AP3B1: variants seen among roughly 807,000 people sequenced by gnomAD.
AP3B1 encodes the protein AP-3 complex subunit beta-1.
Under a neutral mutation model 132.5 loss-of-function variants are expected in AP3B1, and 61 were observed. The ratio of observed to expected loss-of-function variants is 0.46; its 90% CI spans 0.37 to 0.57. The LOEUF (loss-of-function observed/expected upper bound fraction) is 0.57. AP3B1 is among the 20% of genes least tolerant of loss of function. AP3B1 has a pLI of 0.00. For missense variants in AP3B1, 1,120 were observed against 1,289.4 expected (o/e 0.87, Z 2.01); for synonymous variants, 388 against 438.3 (o/e 0.89, Z 1.43).
intron 17 of AP3B1, among the ~76,000 whole-genome samples, chr5:78,126,598 C>CA (rs1461213977): frequency 6.9e-6 from 1 of 144,412 alleles, no homozygotes; most frequent in Non-Finnish European, 1.5e-5. Flanking sequence ...TAAAAATCAA[C>CA]AAACTCAGCT....
intron 1 of AP3B1, among the ~76,000 whole-genome samples, chr5:78,290,223 A>G (rs7712595): frequency 0.23 from 35,136 of 152,118 alleles, 4,649 homozygotes; most frequent in Middle Eastern, 0.31. Context: ...CAGGTCTTCT[A>G]ACTCTGGGCC....
intron 7 of AP3B1, among the ~76,000 whole-genome samples, chr5:78,215,338 T>C (rs1208409056): frequency 6.6e-6 from 1 of 152,104 alleles, no homozygotes; most frequent in African/African-American, 2.4e-5. Context: ...TGGTTTAAAA[T>C]TACCTTAAAT....
chr5:78,057,237 T>A (rs1748853694), intron 22 of AP3B1, among the ~76,000 whole-genome samples: 1 of 152,186 alleles, frequency 6.6e-6, no homozygotes, highest in Admixed American at 6.5e-5. Flanking sequence ...ATTCTAACTT[T>A]TAGCTCCTCT....
At chr5:78,181,950 G>C (rs1329061440) in intron 7 of AP3B1, among the ~76,000 whole-genome samples, 2 of 151,934 alleles carry the variant, frequency 1.3e-5, no homozygotes, top group Non-Finnish European at 2.9e-5. Flanking sequence ...CCTTCAAAAG[G>C]AACACATGAC....
At chr5:78,291,435 A>AC (rs1315468180) in intron 1 of AP3B1, among the ~76,000 whole-genome samples, 2 of 151,448 alleles carry the variant, frequency 1.3e-5, no homozygotes, top group Non-Finnish European at 2.9e-5. Context: ...AAAAAAAAAA[A>AC]AAAACAGAAA....
rs553471465 is a variant in AP3B1 at position 78,133,801 on chromosome 5, C to T, written c.1651-4494G>A. On this transcript the variant is annotated intron_variant, in intron 15 of 26. Coordinates refer to ENST00000255194, the MANE Select transcript of AP3B1 (RefSeq NM_003664.5). Reference sequence around the variant, plus strand: ...TAAATTTTGTTTTCAGACTAATTTTCCTGCTTAGATTTAAGGAACCATTAT... The same window carrying T: ...TAAATTTTGTTTTCAGACTAATTTTTCTGCTTAGATTTAAGGAACCATTAT... Among the ~76,000 whole-genome samples, 19 of 152,084 alleles carry T rather than the reference C, an allele frequency of 1.2e-4. No individual in the cohort carries two copies. The South Asian group carries it at 3.7e-3, about 30-fold the overall frequency.
At position 78,140,888 on chromosome 5, in the gene AP3B1, G is replaced by A. The variant is rs141486363; in HGVS notation, c.1650+255C>T. Among the ~76,000 whole-genome samples the A allele has an allele frequency of 3.2e-3, 482 of 152,138 alleles. 1 individual carries two copies. The highest frequency in any genetic ancestry group is 0.011 in the African/African-American group (439 of 41,484). ...ACATCGACTTCAGACTTTATAATTC[G>A]TCTAGAATTCCACTGTATGTCAATA... On this transcript the variant is annotated intron_variant, in intron 15 of 26. Transcript: ENST00000255194.
At chr5:78,092,000 GTAGAACCACTA>G (rs1293407226) in intron 21 of AP3B1, among the ~76,000 whole-genome samples, 3 of 152,208 alleles carry the variant, frequency 2.0e-5, no homozygotes, top group Middle Eastern at 3.2e-3. Context: ...AAAGTGAATG[GTAGAACCACTA>G]TAGAATTAGA....
intron 21 of AP3B1, among the ~76,000 whole-genome samples, chr5:78,093,256 A>C (rs1750608965): frequency 6.6e-6 from 1 of 152,070 alleles, no homozygotes; most frequent in South Asian, 2.1e-4. Flanking sequence ...GCAATGGCAC[A>C]ATTGCAGCTC....
chr5:78,267,445 TTA>T (rs751965067), intron 2 of AP3B1, 73 bp downstream of exon 2: 489 of 574,592 alleles, frequency 8.5e-4, no homozygotes, highest in Middle Eastern at 3.4e-3. Context: ...TAACGTATTT[TTA>T]TATATATATA....
intron 21 of AP3B1, among the ~76,000 whole-genome samples, chr5:78,096,853 C>CT (rs1258813243): frequency 4.6e-5 from 7 of 150,782 alleles, no homozygotes; most frequent in African/African-American, 1.7e-4. Context: ...GCTCAGCCCC[C>CT]GCCAGGCCAG....
intron 2 of AP3B1, among the ~76,000 whole-genome samples, chr5:78,256,613 C>A (rs1249583158): frequency 1.3e-5 from 2 of 152,054 alleles, no homozygotes; most frequent in Admixed American, 6.5e-5. Context: ...TAATATCAAT[C>A]CTACTCAAAC....
intron 11 of AP3B1, 31 bp downstream of exon 11, chr5:78,175,595 A>G (rs893901648): frequency 6.4e-7 from 1 of 1,568,256 alleles, no homozygotes; most frequent in Admixed American, 1.7e-5. Flanking sequence ...CAAATGTGTT[A>G]AAAGCCTCTG....
chr5:78,225,010 T>G (rs1398935772), intron 6 of AP3B1, among the ~76,000 whole-genome samples: 1 of 152,010 alleles, frequency 6.6e-6, no homozygotes, highest in Admixed American at 6.5e-5. Flanking sequence ...TAATCAAATG[T>G]TTATTGAACA....
intron 24 of AP3B1, among the ~76,000 whole-genome samples, chr5:78,026,516 G>A (rs1427775158): frequency 6.6e-6 from 1 of 152,116 alleles, no homozygotes; most frequent in Admixed American, 6.5e-5. Flanking sequence ...ATGAAATAAT[G>A]CACAGGAAGT....
In AP3B1 at chr5:78,181,508, G is replaced by T; in HGVS notation, c.941C>A (p.Ala314Glu). Residue 314 changes from alanine to glutamate, a missense_variant and splice_region_variant, in exon 8 of 27, where the codon GCG (alanine) becomes GAG (glutamate). This residue lies in a region of AP3B1 where 906 missense variants were observed against 997.1 expected (regional missense o/e 0.91). Coordinates refer to ENST00000255194, the MANE Select transcript of AP3B1 (RefSeq NM_003664.5). Reference protein sequence around the residue: ...TKPLLQSRNAAVVMAVAQLYW... With the variant: ...TKPLLQSRNAEVVMAVAQLYW... ...TTTCTTATAAGGATTTTAACATACC[G>T]CAGCATTCCTGCTCTGAAGCAAAGG... 6.2e-7 allele frequency: 1 copy of T among 1,611,958 alleles called. No individual in the cohort carries two copies. The highest frequency in any genetic ancestry group is 8.5e-7 in the Non-Finnish European group (1 of 1,179,138).
At chr5:78,030,594 A>T (rs1747532500) in intron 24 of AP3B1, among the ~76,000 whole-genome samples, 1 of 152,136 alleles carries the variant, frequency 6.6e-6, no homozygotes, top group African/African-American at 2.4e-5. Context: ...CCAGGACGTG[A>T]TCTTTTTCAT....
chr5:78,181,371 T>C (rs1489876384), intron 8 of AP3B1, 136 bp downstream of exon 8: 2 of 791,464 alleles, frequency 2.5e-6, no homozygotes, highest in Admixed American at 4.3e-5. Flanking sequence ...CTTCCAACTA[T>C]CCATTACATG....
At chr5:78,257,774 T>C (rs1747909613) in intron 2 of AP3B1, among the ~76,000 whole-genome samples, 2 of 152,238 alleles carry the variant, frequency 1.3e-5, no homozygotes, top group African/African-American at 2.4e-5. Flanking sequence ...CAAATTATAC[T>C]ACAAAGCTAT....
Sources: gnomAD v4.1 joint callset for allele counts (sites outside exome capture counted in the v4.1 genomes callset) on GRCh38, gnomAD v4.1.1 for gene constraint, gnomAD v4.1.1 regional missense constraint, MANE v1.5 for transcripts, NCBI Gene and HGNC (gene_info 2026-07-23, HGNC 2026-07-21) for gene names.